Variants in PHLPP2 observed in about 807,000 individuals in gnomAD.
PHLPP2 encodes PH domain leucine-rich repeat-containing protein phosphatase 2.
In PHLPP2, 66 loss-of-function variants were observed where a neutral mutation model predicts 124.9. That is an observed-to-expected ratio of 0.53 (90% CI 0.43 to 0.65). PHLPP2 has a LOEUF of 0.65. Ranked by LOEUF, PHLPP2 falls within the 30% of genes least tolerant of loss-of-function variation. PHLPP2 has a pLI of 0.00. For missense variants in PHLPP2, 1,685 were observed against 1,600.4 expected, an observed-to-expected ratio of 1.05 and a Z score of -0.90; for synonymous variants, 681 against 624.7, an observed-to-expected ratio of 1.09 and a Z score of -1.34.
chr16:71,651,450 G>C (rs183391826), intron 18 of PHLPP2, among the ~76,000 whole-genome samples: 1 of 152,254 alleles, frequency 6.6e-6, no homozygotes, highest in Non-Finnish European at 1.5e-5. Context: ...TATAGTCCCA[G>C]CTACTCAGGA....
chr16:71,659,514 G>C (rs2044770942), intron 13 of PHLPP2, among the ~76,000 whole-genome samples: 1 of 152,138 alleles, frequency 6.6e-6, no homozygotes, highest in Non-Finnish European at 1.5e-5. Flanking sequence ...GCCTCCCAAA[G>C]TGCTGGTATT....
chr16:71,659,413 G>A (rs183960971), intron 13 of PHLPP2, among the ~76,000 whole-genome samples: 8 of 152,040 alleles, frequency 5.3e-5, no homozygotes, highest in East Asian at 1.9e-4. Flanking sequence ...CACCACGCCC[G>A]GCTAATTGTG....
In PHLPP2 at chr16:71,724,530, A is replaced by T; in HGVS notation, c.-208T>A. The stretch of plus-strand genomic sequence containing the variant: ...TGACCCGGTTTATGATTTATTTGCA[A>T]GGCTGATTCAGAAAAAAACTTTTAA... On this transcript the variant is annotated 5_prime_UTR_variant, in exon 1 of 19. The change creates a new upstream start codon in the 5' untranslated region. Transcript: ENST00000568954. 6.6e-6 allele frequency: 1 copy of T among 152,356 alleles called. No homozygotes were observed. 9.4% of individuals were successfully genotyped at this position (152,356 alleles called of 1,614,324 possible).
intron 18 of PHLPP2, 65 bp downstream of exon 18, chr16:71,652,725 C>A: frequency 8.3e-7 from 1 of 1,200,910 alleles, no homozygotes; most frequent in Non-Finnish European, 1.2e-6. Context: ...GCCTTCATCA[C>A]CTCTACACAA....
In PHLPP2 at chr16:71,714,549, C is replaced by T; in HGVS notation, c.247G>A (p.Glu83Lys). The change falls in exon 2 of 19, where the codon GAA (glutamate) becomes AAA (lysine). Residue 83 changes from glutamate (E) to lysine (K), a missense_variant. Physicochemically the swap from Glu to Lys is moderately conservative, Grantham distance 56. Transcript: ENST00000568954. Reference protein sequence around the residue: ...ASEICAGEGRESLYLQLHGDL... With the variant: ...ASEICAGEGRKSLYLQLHGDL... ...CCATGAAGCTGTAAATAAAGACTTT[C>T]TCTTCCCTCTCCAGCACATATTTCT... 4 of 1,613,574 alleles carry T rather than the reference C, an allele frequency of 2.5e-6. No individual in the cohort carries two copies. The highest frequency in any genetic ancestry group is 1.7e-5 in the Admixed American group (1 of 59,992).
chr16:71,713,731 T>A (rs1257911355), intron 2 of PHLPP2, among the ~76,000 whole-genome samples: 1 of 152,120 alleles, frequency 6.6e-6, no homozygotes, highest in African/African-American at 2.4e-5. Flanking sequence ...GTTTTAAAAT[T>A]TATAATATAT....
At chr16:71,719,839 C>T (rs1172493181) in intron 1 of PHLPP2, among the ~76,000 whole-genome samples, 1 of 152,086 alleles carries the variant, frequency 6.6e-6, no homozygotes, top group African/African-American at 2.4e-5. Flanking sequence ...CCTCTGTTGC[C>T]CAGGCTGGAG....
chr16:71,645,707 C>G lies in PHLPP2; in HGVS notation c.*3183G>C, dbSNP rs1424878446. 1 of 153,450 alleles carries G rather than the reference C, an allele frequency of 6.5e-6. No homozygotes were observed. Among genetic ancestry groups the G allele is most frequent in the Non-Finnish European group, 1.5e-5 (1 of 68,080 alleles). 9.5% of individuals were successfully genotyped at this position (153,450 alleles called of 1,614,324 possible). ...ATAGCACCCAGCAATGACCACGCTGCTCCTGCTGGCTCTTCCGTACACCAG... is the reference window on the plus strand; with the variant it reads ...ATAGCACCCAGCAATGACCACGCTGGTCCTGCTGGCTCTTCCGTACACCAG... On this transcript the variant is annotated 3_prime_UTR_variant, in exon 19 of 19. Transcript: ENST00000568954.
chr16:71,679,374 G>C lies in PHLPP2; in HGVS notation c.1037+15C>G. ...TTCTGCAAGGGAAAAGAGGAATCTA[G>C]TAAAAGTTACTTACTTTAGCAGATT... On this transcript the variant is annotated intron_variant, in intron 7 of 18. Transcript: ENST00000568954. The C allele has an allele frequency of 1.9e-6, 3 of 1,611,492 alleles. No homozygotes were observed. Among genetic ancestry groups the C allele is most frequent in the Non-Finnish European group, 2.5e-6 (3 of 1,177,704 alleles).
chr16:71,667,161 A>G lies in PHLPP2; in HGVS notation c.1784+17T>C. On this transcript the variant is annotated intron_variant, in intron 12 of 18. Coordinates refer to ENST00000568954, the MANE Select transcript of PHLPP2 (RefSeq NM_015020.3). ...CCAATGATTCTGCTCTTCCGAAAAA[A>G]ATCCTATGATACTTACTTTAAGGCC... The G allele has an allele frequency of 6.2e-7, 1 of 1,601,546 alleles. No individual in the cohort carries two copies. The highest frequency in any genetic ancestry group is 8.5e-7 in the Non-Finnish European group (1 of 1,173,428).
At chr16:71,698,638 TG>T in intron 3 of PHLPP2, 1 of 594,008 alleles carries the variant, frequency 1.7e-6, no homozygotes, top group Non-Finnish European at 3.2e-6. Context: ...GAAGCTGCTG[TG>T]GGCAGCCATT....
In PHLPP2 at chr16:71,714,813, CAA is replaced by C; in HGVS notation, c.-6-14_-6-13del. 5 of 1,603,710 alleles carry C rather than the reference CAA, an allele frequency of 3.1e-6. No individual in the cohort carries two copies. Among genetic ancestry groups the C allele is most frequent in the Non-Finnish European group, 4.3e-6 (5 of 1,174,668 alleles). Reference sequence around the variant, plus strand: ...CGTTTCATATTTCTCTAAAAAATATCAAGAGAAAGAAATCGTTAGCTAGAACA... The same window carrying C: ...CGTTTCATATTTCTCTAAAAAATATCGAGAAAGAAATCGTTAGCTAGAACA... On this transcript the variant is annotated splice_polypyrimidine_tract_variant and intron_variant, in intron 1 of 18. Transcript: ENST00000568954.
chr16:71,696,555 T>C (rs2045172921), intron 3 of PHLPP2, among the ~76,000 whole-genome samples: 1 of 151,352 alleles, frequency 6.6e-6, no homozygotes, highest in African/African-American at 2.4e-5. Context: ...GAGAATTGCT[T>C]GAACCCAGGA....
chr16:71,655,073 C>G (rs1491003974), intron 17 of PHLPP2, 167 bp downstream of exon 17: 3 of 560,888 alleles, frequency 5.3e-6, no homozygotes, highest in African/African-American at 3.7e-5. Flanking sequence ...TTGAAAGAGC[C>G]GAAGTCCCCG....
At chr16:71,669,430 T>A in intron 10 of PHLPP2, 60 bp from the exon 11 acceptor site, 1 of 1,205,640 alleles carries the variant, frequency 8.3e-7, no homozygotes, top group Non-Finnish European at 1.2e-6. Flanking sequence ...CTCATTTCAG[T>A]AGGCTATAAT....
At chr16:71,722,468 C>CA (rs2045404650) in intron 1 of PHLPP2, among the ~76,000 whole-genome samples, 1 of 151,974 alleles carries the variant, frequency 6.6e-6, no homozygotes, top group Non-Finnish European at 1.5e-5. Context: ...GGCAGTAGCA[C>CA]AAAAAATGTT....
At chr16:71,702,573 T>C (rs1232025738) in intron 3 of PHLPP2, 25 bp downstream of exon 3, 3 of 1,595,556 alleles carry the variant, frequency 1.9e-6, no homozygotes, top group Admixed American at 1.7e-5. Context: ...GTAGTTAACA[T>C]ACAAAGCCAC....
At chr16:71,686,183 T>C (rs186723537) in intron 4 of PHLPP2, among the ~76,000 whole-genome samples, 2 of 152,276 alleles carry the variant, frequency 1.3e-5, no homozygotes, top group Admixed American at 1.3e-4. Context: ...CTGGTTTTTG[T>C]TGTATTTTTT....
At chr16:71,701,290 AT>A (rs1262627858) in intron 3 of PHLPP2, among the ~76,000 whole-genome samples, 1 of 91,596 alleles carries the variant, frequency 1.1e-5, no homozygotes, top group Non-Finnish European at 2.1e-5. Context: ...CTATCTATCT[AT>A]CTATCTATCT....
Sources: gnomAD v4.1 joint callset for allele counts (sites outside exome capture counted in the v4.1 genomes callset) on GRCh38, gnomAD v4.1.1 for gene constraint, MANE v1.5 for transcripts, NCBI Gene and HGNC (gene_info 2026-07-23, HGNC 2026-07-21) for gene names.